VSIG10L2: variants seen among roughly 807,000 people sequenced by gnomAD.
VSIG10L2 encodes V-set and immunoglobulin domain-containing protein 10-like 2.
Under a neutral mutation model 67.1 loss-of-function variants are expected in VSIG10L2, and 56 were observed. The ratio of observed to expected loss-of-function variants is 0.83; its 90% CI spans 0.67 to 1.04. VSIG10L2 has a LOEUF of 1.04. Ranked by LOEUF, VSIG10L2 falls within the 50% of genes least tolerant of loss-of-function variation. The pLI is 0.00. For synonymous variants in VSIG10L2, 360 were observed against 396.6 expected (o/e 0.91, Z 1.10); for missense variants, 843 against 932.8 (o/e 0.90, Z 1.25).
Position 125,946,425 on chromosome 11 carries a change from G to A in VSIG10L2, c.82+288G>A, listed in dbSNP as rs1945303768. On this transcript the variant is annotated intron_variant, in intron 1 of 11. Transcript: ENST00000686984. The surrounding 1 kb of genome is among the most constrained non-coding windows in gnomAD (Gnocchi z 4.4). Reference sequence around the variant, plus strand: ...TTTCAGAAAGCTCCCTGGTTTTGAGGGGGATTAGGGCAATCAGGAGATCAT... The same window carrying A: ...TTTCAGAAAGCTCCCTGGTTTTGAGAGGGATTAGGGCAATCAGGAGATCAT... Among the ~76,000 whole-genome samples, 1 of 152,226 alleles carries A rather than the reference G, an allele frequency of 6.6e-6. No homozygotes were observed. The highest frequency in any genetic ancestry group is 2.1e-4 in the South Asian group (1 of 4,836).
chr11:125,950,038 C>A lies in VSIG10L2; in HGVS notation c.734C>A (p.Thr245Asn). ...GATGGTCCTGACAAGCCTGTGATCA[C>A]CATGGAGCCGCTGGGACTCACTGAG... ...VIYGPDKPVI[T>N]MEPLGLTEEG... The change falls in exon 4 of 12, where the codon ACC becomes AAC. Residue 245 changes from threonine to asparagine, a missense_variant. Thr to Asn is a moderately conservative substitution (Grantham distance 65). Around this residue, in one of 2 missense-constraint regions of VSIG10L2, gnomAD observed 446 missense variants for 548.4 expected, o/e 0.81. Transcript: ENST00000686984. 1 of 1,232,372 alleles carries A rather than the reference C, an allele frequency of 8.1e-7. No homozygotes were observed. The highest frequency in any genetic ancestry group is 1.0e-6 in the Non-Finnish European group (1 of 988,128). The allele number at this position is 1,232,372 out of a possible 1,614,324, so 76.3% of individuals were successfully genotyped here. A position where few individuals can be genotyped will look rare whatever the true frequency, so the allele number is the denominator to read the frequency against.
rs1591531420 is a variant in VSIG10L2 at position 125,954,235 on chromosome 11, T to C, written c.1935T>C (p.Ala645=). Residue 645 remains alanine (A), a synonymous_variant, in exon 8 of 12, where the codon GCT becomes GCC. Transcript: ENST00000686984. ...AGGCCAGTGCCCTGGGCCCAGGAGC[T>C]GGGGCGTGGGAGACAGCAGCTAGTG... ...QRKASALGPG[A]GAWETAASDI... is the part of the protein sequence containing the mutation. 8.1e-7 allele frequency: 1 copy of C among 1,232,018 alleles called. No individual in the cohort carries two copies. Among genetic ancestry groups the C allele is most frequent in the Admixed American group, 4.2e-5 (1 of 23,692 alleles). 76.3% of individuals were successfully genotyped at this position (1,232,018 alleles called of 1,614,324 possible).
At chr11:125,948,675 C>T in intron 3 of VSIG10L2, 95 bp downstream of exon 3, 1 of 1,195,772 alleles carries the variant, frequency 8.4e-7, no homozygotes, top group Non-Finnish European at 1.0e-6. Context: ...CAAATCCCTC[C>T]ACTGCAGGAG....
chr11:125,947,639 G>A lies in VSIG10L2; in HGVS notation c.83-47G>A, dbSNP rs1020873336. The A allele has an allele frequency of 3.2e-6, 4 of 1,232,022 alleles. No individual in the cohort carries two copies. The Admixed American group carries it at 1.3e-4, about 39-fold the overall frequency. The allele number at this position is 1,232,022 out of a possible 1,614,324, so 76.3% of individuals were successfully genotyped here. On this transcript the variant is annotated intron_variant, in intron 1 of 11. Transcript: ENST00000686984. ...TCCAGGCAAGGCAGGGAGTGCAGGAGAGCCCAGAGCAGCCCAGAAGTCCTG... is the reference window on the plus strand; with the variant it reads ...TCCAGGCAAGGCAGGGAGTGCAGGAAAGCCCAGAGCAGCCCAGAAGTCCTG...
chr11:125,953,438 G>C lies in VSIG10L2; in HGVS notation c.1534G>C (p.Val512Leu). The C allele has an allele frequency of 8.1e-7, 1 of 1,232,394 alleles. No individual in the cohort carries two copies. Among genetic ancestry groups the C allele is most frequent in the Non-Finnish European group, 1.0e-6 (1 of 988,164 alleles). The allele number at this position is 1,232,394 out of a possible 1,614,324, so 76.3% of individuals were successfully genotyped here. A position where few individuals can be genotyped will look rare whatever the true frequency, so the allele number is the denominator to read the frequency against. Residue 512 changes from valine (V) to leucine (L), a missense_variant, in exon 7 of 12, where the codon GTG becomes CTG. Around this residue, in one of 2 missense-constraint regions of VSIG10L2, gnomAD observed 397 missense variants for 384.4 expected, o/e 1.03. Transcript: ENST00000686984. ...QLDVAEPRVSVLEGGEAWLEC... is the reference protein window; with the variant it reads ...QLDVAEPRVSLLEGGEAWLEC... ...GGACGTGGCTGAGCCCCGCGTGTCA[G>C]TGTTGGAGGGGGGAGAGGCCTGGCT...
chr11:125,954,378 T>TA lies in VSIG10L2; in HGVS notation c.2079dup (p.Pro694ThrfsTer65). ...GCAGGACATCCCTCTGAGGTGAAGA[T>TA]ACCAGGTGCCAGCTAATGCCAGGGA... On this transcript the variant is annotated frameshift_variant, in exon 8 of 12. Transcript: ENST00000686984. LOFTEE classifies it high-confidence loss of function. 1.5e-5 allele frequency: 19 copies of TA among 1,232,168 alleles called. No individual in the cohort carries two copies. Among genetic ancestry groups the TA allele is most frequent in the Non-Finnish European group, 1.9e-5 (19 of 988,000 alleles). 76.3% of individuals were successfully genotyped at this position (1,232,168 alleles called of 1,614,324 possible).
rs755606446 is a variant in VSIG10L2, at chr11:125,952,057, C to T, written c.1479C>T (p.His493=). 20 of 1,530,970 alleles carry T rather than the reference C, an allele frequency of 1.3e-5. No individual in the cohort carries two copies. Among genetic ancestry groups the T allele is most frequent in the African/African-American group, 5.5e-5 (4 of 73,030 alleles). 94.8% of individuals were successfully genotyped at this position (1,530,970 alleles called of 1,614,324 possible). A position where few individuals can be genotyped will look rare whatever the true frequency, so the allele number is the denominator to read the frequency against. Reference sequence around the variant, plus strand: ...ACCTGCTCAGGACCCCTGACCCCCACTGCCACCTCCAGCTGGGTGAGTAGG... The same window carrying T: ...ACCTGCTCAGGACCCCTGACCCCCATTGCCACCTCCAGCTGGGTGAGTAGG... ...GTHLLRTPDP[H]CHLQLEAPQL... Residue 493 remains histidine, a synonymous_variant, in exon 6 of 12, where the codon CAC becomes CAT. Coordinates refer to ENST00000686984, the MANE Select transcript of VSIG10L2 (RefSeq NM_001365077.2).
At position 125,954,264 on chromosome 11, in the gene VSIG10L2, T is replaced by A. The variant is rs1945419890; in HGVS notation, c.1964T>A (p.Ile655Asn). The change falls in exon 8 of 12, where the codon ATC becomes AAC. Residue 655 changes from isoleucine (I) to asparagine (N), a missense_variant. Transcript: ENST00000686984. ...AGAWETAASDIEPESRGRRLG... is the reference protein window; with the variant it reads ...AGAWETAASDNEPESRGRRLG... ...GCGTGGGAGACAGCAGCTAGTGACA[T>A]CGAGCCAGAGAGCCGAGGACGGCGG... 3.2e-6 allele frequency: 4 copies of A among 1,232,190 alleles called. No individual in the cohort carries two copies. Among genetic ancestry groups the A allele is most frequent in the Non-Finnish European group, 4.0e-6 (4 of 988,046 alleles). The allele number at this position is 1,232,190 out of a possible 1,614,324, so 76.3% of individuals were successfully genotyped here.
At position 125,946,571 on chromosome 11, in the gene VSIG10L2, G is replaced by A. The variant is rs1945305432; in HGVS notation, c.82+434G>A. On this transcript the variant is annotated intron_variant, in intron 1 of 11. Coordinates refer to ENST00000686984, the MANE Select transcript of VSIG10L2 (RefSeq NM_001365077.2). The surrounding 1 kb of genome is among the most constrained non-coding windows in gnomAD (Gnocchi z 4.4). ...TTTTTTTTTTTTGAGATGGAGTCTT[G>A]CTGTCACCCAGGCTGGAGTGCAGTG... Among the ~76,000 whole-genome samples the A allele has an allele frequency of 6.7e-6, 1 of 149,402 alleles. No homozygotes were observed. The highest frequency in any genetic ancestry group is 1.5e-5 in the Non-Finnish European group (1 of 67,462).
At chr11:125,953,204 C>T (rs576796995) in intron 6 of VSIG10L2, among the ~76,000 whole-genome samples, 196 bp from the exon 7 acceptor site, 24 of 152,230 alleles carry the variant, frequency 1.6e-4, no homozygotes, top group African/African-American at 5.5e-4. Flanking sequence ...CATATATTAG[C>T]GAGCCCTGGC....
At chr11:125,947,490 C>A (rs1945313318) in intron 1 of VSIG10L2, 196 bp from the exon 2 acceptor site, 1 of 985,384 alleles carries the variant, frequency 1.0e-6, no homozygotes, top group Admixed American at 6.1e-5. Flanking sequence ...TCAGTGCATC[C>A]AAACAGGAAA....
rs1462113509 is a variant in VSIG10L2, at chr11:125,953,451, G to GA, written c.1548dup (p.Glu517ArgfsTer39). The GA allele has an allele frequency of 6.1e-5, 75 of 1,232,366 alleles. No individual in the cohort carries two copies. The highest frequency in any genetic ancestry group is 1.7e-4 in the Admixed American group (4 of 23,730). 76.3% of individuals were successfully genotyped at this position (1,232,366 alleles called of 1,614,324 possible). On this transcript the variant is annotated frameshift_variant, in exon 7 of 12. Transcript: ENST00000686984. LOFTEE classifies it high-confidence loss of function. ...CCCCGCGTGTCAGTGTTGGAGGGGG[G>GA]AGAGGCCTGGCTGGAGTGCTCTCTC...
At chr11:125,952,936 C>T (rs976473536) in intron 6 of VSIG10L2, among the ~76,000 whole-genome samples, 2 of 152,136 alleles carry the variant, frequency 1.3e-5, no homozygotes, top group Admixed American at 6.5e-5. Context: ...GTCTCAGGAC[C>T]GGAAATTCCA....
chr11:125,950,256 C>T lies in VSIG10L2; in HGVS notation c.952C>T (p.Arg318Cys), dbSNP rs962844635. The part of the protein sequence containing the change: ...CLARNSYLDT[R>C]TQTTVQLTIY... ...GGCCCGCAACAGCTACCTGGACACC[C>T]GCACCCAGACTACTGTCCAGCTCAC... The change falls in exon 4 of 12, where the codon CGC becomes TGC. Residue 318 changes from arginine to cysteine, a missense_variant. Physicochemically the swap from Arg to Cys is radical, Grantham distance 180 (BLOSUM62 -3). Coordinates refer to ENST00000686984, the MANE Select transcript of VSIG10L2 (RefSeq NM_001365077.2). The T allele has an allele frequency of 1.4e-5, 17 of 1,232,356 alleles. No homozygotes were observed. Among genetic ancestry groups the T allele is most frequent in the South Asian group, 8.2e-5 (2 of 24,330 alleles). 76.3% of individuals were successfully genotyped at this position (1,232,356 alleles called of 1,614,324 possible).
At chr11:125,953,767 A>G (rs572183173) in intron 7 of VSIG10L2, 77 bp downstream of exon 7, 1 of 1,213,570 alleles carries the variant, frequency 8.2e-7, no homozygotes, top group African/African-American at 1.6e-5. Context: ...CTTTAAGTGG[A>G]AAGGCACAAG....
rs189816175 is a variant in VSIG10L2, at chr11:125,946,427, G to A, written c.82+290G>A. 2.6e-5 allele frequency among the ~76,000 whole-genome samples: 4 copies of A among 152,310 alleles called. No individual in the cohort carries two copies. Among genetic ancestry groups the A allele is most frequent in the Admixed American group, 2.0e-4 (3 of 15,312 alleles). On this transcript the variant is annotated intron_variant, in intron 1 of 11. Coordinates refer to ENST00000686984, the MANE Select transcript of VSIG10L2 (RefSeq NM_001365077.2). This position sits in a 1 kb window ranked among gnomAD's most constrained non-coding sequence, Gnocchi z 4.4. ...TCAGAAAGCTCCCTGGTTTTGAGGGGGATTAGGGCAATCAGGAGATCATTG... is the reference window on the plus strand; with the variant it reads ...TCAGAAAGCTCCCTGGTTTTGAGGGAGATTAGGGCAATCAGGAGATCATTG...
At position 125,947,846 on chromosome 11, in the gene VSIG10L2, C is replaced by T. The variant is rs935942386; in HGVS notation, c.243C>T (p.Ala81=). 24 of 1,232,242 alleles carry T rather than the reference C, an allele frequency of 1.9e-5. No individual in the cohort carries two copies. In the Admixed American group the frequency reaches 2.5e-4, roughly 13 times the overall value. The allele number at this position is 1,232,242 out of a possible 1,614,324, so 76.3% of individuals were successfully genotyped here. The change falls in exon 2 of 12, where the codon GCC becomes GCT. Residue 81 remains alanine, a synonymous_variant. Transcript: ENST00000686984. ...PLGSLVPRPV[A]VTDGAMSKVE... ...GCTCCCTGGTTCCCCGGCCTGTGGC[C>T]GTCACCGATGGAGCCATGTCCAAGG... is the stretch of plus-strand genomic sequence containing the variant.
rs778979262 is a variant in VSIG10L2, at chr11:125,948,397, G to C, written c.526G>C (p.Glu176Gln). ...CACGTGTGCAGTGCGGGAGGGCACA[G>C]AGCCCGTGACCTTTGCCTGGCAGCA... ...VATCAVREGTEPVTFAWQHRA... is the reference protein window; with the variant it reads ...VATCAVREGTQPVTFAWQHRA... Residue 176 changes from glutamate (E) to glutamine (Q), a missense_variant, in exon 3 of 12, where the codon GAG becomes CAG. Around this residue, in one of 2 missense-constraint regions of VSIG10L2, gnomAD observed 446 missense variants for 548.4 expected, o/e 0.81. Transcript: ENST00000686984. 1 of 1,232,368 alleles carries C rather than the reference G, an allele frequency of 8.1e-7. No individual in the cohort carries two copies. The highest frequency in any genetic ancestry group is 1.0e-6 in the Non-Finnish European group (1 of 988,100). The allele number at this position is 1,232,368 out of a possible 1,614,324, so 76.3% of individuals were successfully genotyped here.
rs750635226 is a variant in VSIG10L2 at position 125,951,860 on chromosome 11, G to T, written c.1282G>T (p.Asp428Tyr). Residue 428 changes from aspartate (D) to tyrosine (Y), a missense_variant, in exon 6 of 12, where the codon GAC (aspartate) becomes TAC (tyrosine). Asp to Tyr is a radical substitution (Grantham distance 160). This residue lies in a region of VSIG10L2 where 446 missense variants were observed against 548.4 expected (regional missense o/e 0.81). Coordinates refer to ENST00000686984, the MANE Select transcript of VSIG10L2 (RefSeq NM_001365077.2). The part of the protein sequence containing the change: ...PTCWSTATMG[D>Y]QFIMLSCEWP... ...CTGCTGGAGCACAGCCACAATGGGG[G>T]ACCAGTTCATCATGCTGAGCTGCGA... is the stretch of plus-strand genomic sequence containing the variant. 6.5e-6 allele frequency: 10 copies of T among 1,529,978 alleles called. No individual in the cohort carries two copies. Among genetic ancestry groups the T allele is most frequent in the Admixed American group, 3.9e-5 (2 of 50,748 alleles). 94.8% of individuals were successfully genotyped at this position (1,529,978 alleles called of 1,614,324 possible). A position where few individuals can be genotyped will look rare whatever the true frequency, so the allele number is the denominator to read the frequency against.
Sources: allele counts gnomAD v4.1 joint callset (sites outside exome capture counted in the v4.1 genomes callset), GRCh38; gene constraint gnomAD v4.1.1; regional missense constraint gnomAD v4.1.1; non-coding constraint Gnocchi (gnomAD v3.1); transcripts MANE v1.5; gene names NCBI Gene and HGNC (gene_info 2026-07-23, HGNC 2026-07-21).